GALNTL6: variants seen among roughly 807,000 people sequenced by gnomAD.
The protein encoded by GALNTL6 is polypeptide N-acetylgalactosaminyltransferase like 6.
GALNTL6 carries 46 observed loss-of-function variants against 73.7 expected under a neutral mutation model. The ratio of observed to expected loss-of-function variants is 0.62; its 90% confidence interval spans 0.49 to 0.80. The LOEUF (loss-of-function observed/expected upper bound fraction) is 0.80. Ranked by LOEUF, GALNTL6 falls within the 30% of genes least tolerant of loss-of-function variation. The pLI, the probability that GALNTL6 is intolerant of heterozygous loss-of-function variation, is 0.00. For missense variants in GALNTL6, 604 were observed against 755.0 expected, an observed-to-expected ratio of 0.80 and a Z score of 2.34; for synonymous variants, 259 against 263.7, an observed-to-expected ratio of 0.98 and a Z score of 0.17.
At chr4:173,011,744 T>C (rs1752563632) in intron 11 of GALNTL6, among the ~76,000 whole-genome samples, 1 of 152,212 alleles carries the variant, frequency 6.6e-6, no homozygotes, top group Non-Finnish European at 1.5e-5. Flanking sequence ...CTTAATTGCT[T>C]TTAATTGAAA....
intron 2 of GALNTL6, among the ~76,000 whole-genome samples, chr4:171,995,475 C>T (rs944434630): frequency 4.0e-5 from 6 of 151,860 alleles, no homozygotes; most frequent in South Asian, 2.1e-4. Context: ...AAAAAATTAA[C>T]GTATCTCCAT....
At chr4:172,379,387 G>T (rs1375803521) in intron 5 of GALNTL6, among the ~76,000 whole-genome samples, 1 of 151,842 alleles carries the variant, frequency 6.6e-6, no homozygotes, top group Admixed American at 6.6e-5. Flanking sequence ...AAAATTAGCC[G>T]GGCACGGTGG....
chr4:172,818,384 A>G (rs1741727276), intron 7 of GALNTL6, among the ~76,000 whole-genome samples: 2 of 152,170 alleles, frequency 1.3e-5, no homozygotes, highest in African/African-American at 2.4e-5. Flanking sequence ...GTGATTGTGG[A>G]GAAATTATTT....
At chr4:172,377,822 C>T (rs796241455) in intron 5 of GALNTL6, among the ~76,000 whole-genome samples, 9 of 152,160 alleles carry the variant, frequency 5.9e-5, no homozygotes, top group Admixed American at 2.0e-4. Flanking sequence ...ACAGGCTGGC[C>T]GCTCTGAGTG....
intron 5 of GALNTL6, among the ~76,000 whole-genome samples, chr4:172,619,925 C>T (rs528634154): frequency 6.6e-6 from 1 of 152,260 alleles, no homozygotes; most frequent in East Asian, 1.9e-4. Flanking sequence ...AACCTTTCTC[C>T]TGTGTATAGG....
At chr4:172,356,465 AAAG>A (rs1308098199) in intron 5 of GALNTL6, among the ~76,000 whole-genome samples, 2 of 152,212 alleles carry the variant, frequency 1.3e-5, no homozygotes, top group African/African-American at 4.8e-5. Flanking sequence ...ACAATGGAAA[AAAG>A]AAAACTTCAC....
intron 2 of GALNTL6, among the ~76,000 whole-genome samples, chr4:172,079,250 A>G (rs987536504): frequency 5.9e-5 from 9 of 152,166 alleles, no homozygotes; most frequent in East Asian, 5.8e-4. Context: ...AGCAAAATGT[A>G]TATGTATTTG....
intron 12 of GALNTL6, among the ~76,000 whole-genome samples, chr4:173,022,851 T>G (rs1173262395): frequency 6.6e-6 from 1 of 152,252 alleles, no homozygotes; most frequent in Admixed American, 6.5e-5. Context: ...TTTTATTGTT[T>G]CCTTTTGACA....
chr4:172,657,957 C>T (rs1277617935), intron 5 of GALNTL6, among the ~76,000 whole-genome samples: 14 of 143,210 alleles, frequency 9.8e-5, no homozygotes, highest in South Asian at 6.9e-4. Flanking sequence ...GAGACCATCC[C>T]GGCTAAAACG....
Position 172,212,567 on chromosome 4 carries a change from A to G in GALNTL6, c.139-17089A>G, listed in dbSNP as rs139430743. Among the ~76,000 whole-genome samples the G allele has an allele frequency of 3.6e-3, 542 of 152,324 alleles. 2 individuals carry two copies. The highest frequency in any genetic ancestry group is 0.012 in the African/African-American group (512 of 41,570). ...CAGGTGTCCATGATAACAGTATAAT[A>G]TGGAATAGTTTCATCACCCTAGATA... On this transcript the variant is annotated intron_variant, in intron 2 of 12. Coordinates refer to ENST00000506823, the MANE Select transcript of GALNTL6 (RefSeq NM_001034845.3).
intron 5 of GALNTL6, among the ~76,000 whole-genome samples, chr4:172,434,889 A>G (rs1449731191): frequency 3.3e-5 from 5 of 152,074 alleles, no homozygotes; most frequent in African/African-American, 1.2e-4. Flanking sequence ...TTTCACGTCT[A>G]TATTTTTTCT....
intron 2 of GALNTL6, among the ~76,000 whole-genome samples, chr4:171,816,675 T>C (rs1324680604): frequency 2.0e-5 from 3 of 152,024 alleles, no homozygotes; most frequent in Non-Finnish European, 2.9e-5. Context: ...TTAAAACTAA[T>C]ACTTTTTATA....
At chr4:172,981,796 CTTTTTT>C (rs56273122) in intron 10 of GALNTL6, among the ~76,000 whole-genome samples, 1 of 101,808 alleles carries the variant, frequency 9.8e-6, no homozygotes, top group African/African-American at 3.7e-5. Context: ...GTATGAACGT[CTTTTTT>C]TTTTTTTTTT....
At chr4:172,388,876 T>C (rs1050723205) in intron 5 of GALNTL6, among the ~76,000 whole-genome samples, 1 of 152,094 alleles carries the variant, frequency 6.6e-6, no homozygotes, top group Non-Finnish European at 1.5e-5. Flanking sequence ...AATGAAATCA[T>C]GATCTATATT....
At chr4:171,994,029 C>T (rs1450811142) in intron 2 of GALNTL6, among the ~76,000 whole-genome samples, 1 of 152,026 alleles carries the variant, frequency 6.6e-6, no homozygotes, top group Non-Finnish European at 1.5e-5. Flanking sequence ...AAAGAAGTGT[C>T]TTCATCCCTT....
At chr4:172,408,728 G>A (rs1305596233) in intron 5 of GALNTL6, among the ~76,000 whole-genome samples, 1 of 151,812 alleles carries the variant, frequency 6.6e-6, no homozygotes, top group African/African-American at 2.4e-5. Context: ...CTCTGTTGTT[G>A]CTTTAGTAGA....
At chr4:171,981,816 A>C (rs1739905023) in intron 2 of GALNTL6, among the ~76,000 whole-genome samples, 1 of 152,028 alleles carries the variant, frequency 6.6e-6, no homozygotes, top group Non-Finnish European at 1.5e-5. Flanking sequence ...GATATGTTTA[A>C]AGGAAATTAT....
intron 3 of GALNTL6, among the ~76,000 whole-genome samples, chr4:172,310,882 C>G (rs1474067792): frequency 6.6e-6 from 1 of 151,352 alleles, no homozygotes; most frequent in Admixed American, 6.6e-5. Context: ...ATGTAATTAA[C>G]AAAAATATAA....
At chr4:172,084,310 A>G (rs9990764) in intron 2 of GALNTL6, among the ~76,000 whole-genome samples, 80,873 of 151,918 alleles carry the variant, frequency 0.53, 21,963 homozygotes, top group African/African-American at 0.61. Context: ...AACACCAAGA[A>G]TGCTGGTAAG....
Sources: allele counts gnomAD v4.1 joint callset (sites outside exome capture counted in the v4.1 genomes callset), GRCh38; gene constraint gnomAD v4.1.1; transcripts MANE v1.5; gene names NCBI Gene and HGNC (gene_info 2026-07-23, HGNC 2026-07-21).